The following RPS6KC1 variants were observed in gnomAD, a reference collection of about 807,000 sequenced individuals.
RPS6KC1 encodes inactive ribosomal protein S6 kinase delta-1.
RPS6KC1 carries 54 observed loss-of-function variants against 103.8 expected under a neutral mutation model. That is an observed-to-expected ratio of 0.52 (90% confidence interval 0.42 to 0.65). RPS6KC1 has a LOEUF of 0.65. Ranked by LOEUF, RPS6KC1 falls within the 30% of genes least tolerant of loss-of-function variation. RPS6KC1 has a pLI of 0.00. For missense variants in RPS6KC1, 1,151 were observed against 1,253.8 expected (o/e 0.92, Z 1.24); for synonymous variants, 439 against 438.7 (o/e 1.00, Z -0.01).
At chr1:213,709,476 T>G in the RPS6KC1 span, among the ~76,000 whole-genome samples, 1 of 151,968 alleles carries the variant, frequency 6.6e-6, no homozygotes, top group African/African-American at 2.4e-5. Context: ...TTCTATCTAT[T>G]TTCTTAATCT....
the RPS6KC1 span, among the ~76,000 whole-genome samples, chr1:213,381,118 G>A: frequency 6.6e-6 from 1 of 152,202 alleles, no homozygotes; most frequent in Non-Finnish European, 1.5e-5. Context: ...AACAGGCTGG[G>A]TTCTTGTGGG....
the RPS6KC1 span, among the ~76,000 whole-genome samples, chr1:213,683,305 G>A: frequency 1.3e-5 from 2 of 152,004 alleles, no homozygotes; most frequent in Non-Finnish European, 2.9e-5. Context: ...TTTTTGAATG[G>A]GCATGCCTCT....
the RPS6KC1 span, among the ~76,000 whole-genome samples, chr1:213,571,668 G>A: frequency 1.3e-5 from 2 of 152,196 alleles, no homozygotes; most frequent in African/African-American, 4.8e-5. Flanking sequence ...AGGTTTGTCT[G>A]CCGGACTCCA....
the RPS6KC1 span, among the ~76,000 whole-genome samples, chr1:213,432,168 C>T: frequency 1.3e-5 from 2 of 152,136 alleles, no homozygotes; most frequent in South Asian, 2.1e-4. Context: ...GATACAAGTC[C>T]TATGCACACT....
At chr1:213,812,974 C>T in the RPS6KC1 span, among the ~76,000 whole-genome samples, 2 of 152,044 alleles carry the variant, frequency 1.3e-5, no homozygotes, top group Non-Finnish European at 2.9e-5. Flanking sequence ...AGATGTCGGC[C>T]GGGCACGGTG....
At chr1:213,511,181 C>T in the RPS6KC1 span, among the ~76,000 whole-genome samples, 2 of 147,624 alleles carry the variant, frequency 1.4e-5, no homozygotes, top group African/African-American at 4.9e-5. Context: ...TGAGGAATGT[C>T]TTTTTTTTTT....
At position 213,220,428 on chromosome 1, in the gene RPS6KC1, G is replaced by A. The variant is rs990154160; in HGVS notation, c.1045-10069G>A. On this transcript the variant is annotated intron_variant, in intron 8 of 14. Transcript: ENST00000366960. ...TGCAACCTCTGCCTCCCAAGTTTAAGTGATTCTTGTGCCTCAGCCTCCCAA... is the reference window on the plus strand; with the variant it reads ...TGCAACCTCTGCCTCCCAAGTTTAAATGATTCTTGTGCCTCAGCCTCCCAA... 2.0e-5 allele frequency among the ~76,000 whole-genome samples: 3 copies of A among 152,162 alleles called. No individual in the cohort carries two copies. In the East Asian group the frequency reaches 5.8e-4, roughly 29 times the overall value.
the RPS6KC1 span, among the ~76,000 whole-genome samples, chr1:213,580,162 C>T: frequency 6.6e-6 from 1 of 152,028 alleles, no homozygotes; most frequent in Non-Finnish European, 1.5e-5. Flanking sequence ...TAAAGAACGT[C>T]ATGATTCATG....
At chr1:213,239,821 A>G (rs111767223) in intron 10 of RPS6KC1, among the ~76,000 whole-genome samples, 1 of 152,314 alleles carries the variant, frequency 6.6e-6, no homozygotes, top group East Asian at 1.9e-4. Context: ...TACTGTTTCT[A>G]ATCACTACTG....
chr1:213,407,700 T>A, the RPS6KC1 span, among the ~76,000 whole-genome samples: 1 of 152,230 alleles, frequency 6.6e-6, no homozygotes, highest in Non-Finnish European at 1.5e-5. Context: ...GTCTTCTTTG[T>A]GAACATCTCA....
chr1:213,576,695 A>G, the RPS6KC1 span, among the ~76,000 whole-genome samples: 3 of 152,288 alleles, frequency 2.0e-5, no homozygotes, highest in Admixed American at 1.3e-4. Flanking sequence ...GATTAGGCCA[A>G]TTAACAACCC....
the RPS6KC1 span, among the ~76,000 whole-genome samples, chr1:213,828,664 T>C: frequency 6.6e-6 from 1 of 152,110 alleles, no homozygotes; most frequent in African/African-American, 2.4e-5. Flanking sequence ...CTGAAAAAGA[T>C]CTTAGAGAAG....
the RPS6KC1 span, among the ~76,000 whole-genome samples, chr1:213,517,249 G>T: frequency 1.3e-5 from 2 of 151,932 alleles, no homozygotes. Context: ...TCTGATCTTA[G>T]TTATTTCTTG....
chr1:213,402,185 TG>T, the RPS6KC1 span, among the ~76,000 whole-genome samples: 1 of 152,196 alleles, frequency 6.6e-6, no homozygotes, highest in Non-Finnish European at 1.5e-5. Context: ...ATGACAGGAC[TG>T]GGCCTTGAGC....
the RPS6KC1 span, among the ~76,000 whole-genome samples, chr1:213,298,529 T>C: frequency 1.3e-5 from 2 of 152,198 alleles, no homozygotes; most frequent in African/African-American, 4.8e-5. Context: ...TTACTTCTTA[T>C]GTTTGCTGTT....
At chr1:213,125,025 G>A (rs2084817748) in intron 5 of RPS6KC1, among the ~76,000 whole-genome samples, 1 of 152,036 alleles carries the variant, frequency 6.6e-6, no homozygotes, top group Non-Finnish European at 1.5e-5. Flanking sequence ...CACAAATGAT[G>A]CCTGTATAAC....
rs869154560 is a variant in RPS6KC1, at chr1:213,137,799, ATTTTTTTTTT to A, written c.835+7928_835+7937del. Among the ~76,000 whole-genome samples the A allele has an allele frequency of 9.2e-3, 129 of 13,966 alleles. 1 individual carries two copies. Among genetic ancestry groups the A allele is most frequent in the African/African-American group, 0.016 (85 of 5,416 alleles). The allele number at this position is 13,966 out of a possible 152,430, so 9.2% of individuals were successfully genotyped here. On this transcript the variant is annotated intron_variant, in intron 6 of 14. Coordinates refer to ENST00000366960, the MANE Select transcript of RPS6KC1 (RefSeq NM_012424.6). ...TCTCTATATATATATATATATATATATTTTTTTTTTTTTTTTTTTTTTTTTTTCCTTCCCC... is the reference window on the plus strand; with the variant it reads ...TCTCTATATATATATATATATATATATTTTTTTTTTTTTTTTTCCTTCCCC...
intron 1 of RPS6KC1, among the ~76,000 whole-genome samples, chr1:213,059,509 T>C (rs1047694309): frequency 2.0e-5 from 3 of 152,058 alleles, no homozygotes; most frequent in African/African-American, 7.2e-5. Flanking sequence ...CTGCATGTTT[T>C]ATTTATTTAT....
At chr1:213,221,363 G>A (rs2093827709) in intron 8 of RPS6KC1, among the ~76,000 whole-genome samples, 1 of 152,062 alleles carries the variant, frequency 6.6e-6, no homozygotes, top group African/African-American at 2.4e-5. Flanking sequence ...CTTGCCTGTT[G>A]CCTGCCTCTG....
Sources: gnomAD v4.1 joint callset for allele counts (sites outside exome capture counted in the v4.1 genomes callset) on GRCh38, gnomAD v4.1.1 for gene constraint, MANE v1.5 for transcripts, NCBI Gene and HGNC (gene_info 2026-07-23, HGNC 2026-07-21) for gene names.